Variants in CFAP95 observed in about 807,000 individuals in gnomAD.
CFAP95 encodes cilia and flagella associated protein 95, also known as cilia- and flagella-associated protein 95.
the CFAP95 span, among the ~76,000 whole-genome samples, chr9:69,848,102 C>T: frequency 6.6e-6 from 1 of 152,160 alleles, no homozygotes; most frequent in Non-Finnish European, 1.5e-5. Flanking sequence ...TAAGTCTTAT[C>T]TGCAAGGACC....
the CFAP95 span, among the ~76,000 whole-genome samples, chr9:69,842,046 G>A: frequency 6.6e-6 from 1 of 152,122 alleles, no homozygotes. Flanking sequence ...CTGAAGATTG[G>A]GTCTCCCATG....
chr9:69,840,543 C>T, the CFAP95 span, among the ~76,000 whole-genome samples: 1 of 152,166 alleles, frequency 6.6e-6, no homozygotes, highest in Non-Finnish European at 1.5e-5. Context: ...AGGCACAGGC[C>T]ACTGTTCCCC....
the CFAP95 span, among the ~76,000 whole-genome samples, chr9:69,842,890 T>A: frequency 6.6e-6 from 1 of 152,170 alleles, no homozygotes; most frequent in Non-Finnish European, 1.5e-5. Flanking sequence ...TGCTGCTGGG[T>A]TCTACTGCAG....
At chr9:69,873,066 G>A in the CFAP95 span, among the ~76,000 whole-genome samples, 4,543 of 152,224 alleles carry the variant, frequency 0.03, 209 homozygotes, top group African/African-American at 0.1. Flanking sequence ...GGCTATGGGT[G>A]TCAAAGCCTA....
the CFAP95 span, among the ~76,000 whole-genome samples, chr9:69,832,090 G>T: frequency 1.3e-5 from 2 of 152,136 alleles, no homozygotes; most frequent in African/African-American, 4.8e-5. Flanking sequence ...AATAGATCCA[G>T]TCAAAGAAAG....
the CFAP95 span, among the ~76,000 whole-genome samples, chr9:69,878,564 T>A: frequency 1.3e-5 from 2 of 152,230 alleles, no homozygotes; most frequent in Non-Finnish European, 2.9e-5. Context: ...TCTGGGCAAT[T>A]GTGAAGTTTT....
At chr9:69,860,560 A>C in the CFAP95 span, among the ~76,000 whole-genome samples, 4 of 151,804 alleles carry the variant, frequency 2.6e-5, no homozygotes, top group Admixed American at 2.6e-4. Flanking sequence ...CTTCAAAAAG[A>C]AATTTACCTT....
chr9:69,820,913 T>A, the CFAP95 span: 3 of 1,614,050 alleles, frequency 1.9e-6, no homozygotes, highest in Admixed American at 5.0e-5. Context: ...CCAGGACTGG[T>A]GCGACAGGAA....
the CFAP95 span, chr9:69,857,816 C>G: frequency 8.8e-7 from 1 of 1,139,224 alleles, no homozygotes; most frequent in Non-Finnish European, 1.3e-6. Flanking sequence ...GCGTGAGCCA[C>G]TGCGCCCAGC....
At chr9:69,903,183 G>T in the CFAP95 span, among the ~76,000 whole-genome samples, 1 of 152,206 alleles carries the variant, frequency 6.6e-6, no homozygotes, top group Non-Finnish European at 1.5e-5. Flanking sequence ...TAGGAGAGCT[G>T]CAAACTGCAC....
At chr9:69,886,699 C>T in the CFAP95 span, 1 of 610,214 alleles carries the variant, frequency 1.6e-6, no homozygotes. Context: ...GAGGCTGGGA[C>T]AGTTGTGGGG....
chr9:69,861,356 T>A, the CFAP95 span, among the ~76,000 whole-genome samples: 1 of 152,270 alleles, frequency 6.6e-6, no homozygotes, highest in Non-Finnish European at 1.5e-5. Context: ...CTCTTCAATC[T>A]CCCTTCTGCA....
the CFAP95 span, among the ~76,000 whole-genome samples, chr9:69,887,371 T>G: frequency 6.6e-6 from 1 of 152,212 alleles, no homozygotes; most frequent in African/African-American, 2.4e-5. Flanking sequence ...TCTGAAAATC[T>G]TAACCAGGGC....
chr9:69,821,714 G>A, the CFAP95 span, among the ~76,000 whole-genome samples: 81 of 151,814 alleles, frequency 5.3e-4, 2 homozygotes, highest in Non-Finnish European at 7.4e-5. Context: ...AAGGCCAACA[G>A]ACATTGTTTG....
chr9:69,893,493 G>A, the CFAP95 span, among the ~76,000 whole-genome samples: 1 of 152,126 alleles, frequency 6.6e-6, no homozygotes, highest in Non-Finnish European at 1.5e-5. Flanking sequence ...GTTATTTTAA[G>A]GTCCTCTCTT....
At chr9:69,858,096 A>G in the CFAP95 span, 1 of 805,510 alleles carries the variant, frequency 1.2e-6, no homozygotes, top group Non-Finnish European at 2.1e-6. Flanking sequence ...TTTACATGAC[A>G]TCTTCGACTT....
chr9:69,856,004 T>A, the CFAP95 span, among the ~76,000 whole-genome samples: 3 of 152,192 alleles, frequency 2.0e-5, no homozygotes, highest in Non-Finnish European at 4.4e-5. Context: ...GAGAAAATAT[T>A]GAATCCCTTA....
the CFAP95 span, among the ~76,000 whole-genome samples, chr9:69,832,620 ATTTTTTTTTTT>A: frequency 2.4e-3 from 27 of 11,350 alleles, 1 homozygote; most frequent in African/African-American, 0.012. Context: ...GTCTATTCGG[ATTTTTTTTTTT>A]TTTTTTTTTT....
chr9:69,829,643 A>T, the CFAP95 span, among the ~76,000 whole-genome samples: 2 of 152,270 alleles, frequency 1.3e-5, no homozygotes, highest in South Asian at 4.1e-4. Flanking sequence ...CCTCTCACAG[A>T]TAGTCTAAGG....
Sources: gnomAD v4.1 joint callset for allele counts (sites outside exome capture counted in the v4.1 genomes callset) on GRCh38, gnomAD v4.1.1 for gene constraint, MANE v1.5 for transcripts, NCBI Gene and HGNC (gene_info 2026-07-23, HGNC 2026-07-21) for gene names.